Variants in TENT5D observed in about 807,000 individuals in gnomAD.
TENT5D encodes the protein terminal nucleotidyltransferase 5D.
For synonymous variants in TENT5D, 103 were observed against 100.6 expected, an observed-to-expected ratio of 1.02 and a Z score of -0.15; for missense variants, 191 against 287.0, an observed-to-expected ratio of 0.67 and a Z score of 2.42.
intron 3 of TENT5D, among the ~76,000 whole-genome samples, chrX:80,345,868 C>T (rs1930048726): frequency 9.0e-6 from 1 of 111,550 alleles, no homozygotes. Flanking sequence ...CTCTAATTCT[C>T]TTGTCACTCT....
chrX:80,417,445 T>G (rs759115563), upstream of TENT5D, among the ~76,000 whole-genome samples: 41 of 110,119 alleles, frequency 3.7e-4, no homozygotes, highest in African/African-American at 1.1e-3. Flanking sequence ...TAATAGTTTT[T>G]TTTTTTTTTT....
intron 3 of TENT5D, among the ~76,000 whole-genome samples, chrX:80,364,873 G>GTGATA (rs2147523317): frequency 9.9e-6 from 1 of 100,831 alleles, no homozygotes; most frequent in South Asian, 4.6e-4. Context: ...TAAATATATA[G>GTGATA]TGATATTTTA....
At chrX:80,352,693 G>A (rs1930204237) in intron 3 of TENT5D, among the ~76,000 whole-genome samples, 1 of 97,105 alleles carries the variant, frequency 1.0e-5, no homozygotes, top group Non-Finnish European at 2.0e-5. Context: ...GGGGTTCCAG[G>A]TGCCGCTGGA....
At position 80,426,743 on chromosome X, in the gene TENT5D, A is replaced by G. The variant is rs142266008; in HGVS notation, c.-142+6180A>G. Among the ~76,000 whole-genome samples, 926 of 112,106 alleles carry G rather than the reference A, an allele frequency of 8.3e-3. 5 individuals are homozygous for G. Among genetic ancestry groups the G allele is most frequent in the Non-Finnish European group, 0.014 (735 of 53,260 alleles). On this transcript the variant is annotated intron_variant, in intron 1 of 2. Transcript: ENST00000308293. ...TTTCCATGCCTTCTTACAATTTTTT[A>G]GTAAAAACACATTTTACTGTTTTCA...
At chrX:80,399,933 G>T (rs1026643633) in intron 3 of TENT5D, among the ~76,000 whole-genome samples, 1 of 111,847 alleles carries the variant, frequency 8.9e-6, no homozygotes, top group Non-Finnish European at 1.9e-5. Flanking sequence ...TCTCCAGAGA[G>T]ACAGAAGCAA....
chrX:80,389,346 A>G (rs2147536917), intron 3 of TENT5D, among the ~76,000 whole-genome samples: 1 of 112,283 alleles, frequency 8.9e-6, no homozygotes, highest in African/African-American at 3.2e-5. Flanking sequence ...CATTAATTTG[A>G]GAAGCAAATT....
chrX:80,344,867 C>G (rs978776116), intron 3 of TENT5D, among the ~76,000 whole-genome samples: 1 of 111,380 alleles, frequency 9.0e-6, no homozygotes, highest in African/African-American at 3.3e-5. Context: ...AATTTAGATA[C>G]TTTGAAGCCT....
At chrX:80,410,188 G>C (rs1401985890) in intron 3 of TENT5D, among the ~76,000 whole-genome samples, 1 of 110,016 alleles carries the variant, frequency 9.1e-6, no homozygotes, top group Non-Finnish European at 1.9e-5. Flanking sequence ...CATGGGCAAG[G>C]ACTTCATGTC....
intron 3 of TENT5D, among the ~76,000 whole-genome samples, chrX:80,391,755 G>A (rs185645096): frequency 2.2e-4 from 25 of 112,452 alleles, no homozygotes; most frequent in Non-Finnish European, 4.3e-4. Flanking sequence ...GTGAAGATGC[G>A]GACTAAAAAT....
chrX:80,433,608 T>C (rs1293378789), intron 1 of TENT5D, among the ~76,000 whole-genome samples: 4 of 111,714 alleles, frequency 3.6e-5, no homozygotes, highest in Non-Finnish European at 7.5e-5. Context: ...AGCTTTTAAA[T>C]TGAGAACTTT....
chrX:80,420,410 A>G (rs186868110), upstream of TENT5D: 1 of 111,075 alleles, frequency 9.0e-6, no homozygotes, highest in African/African-American at 3.3e-5. Flanking sequence ...TGCAATAATA[A>G]TATTCCTTGT....
intron 2 of TENT5D, chrX:80,335,732 C>A (rs1283530149): frequency 9.0e-6 from 1 of 111,297 alleles, no homozygotes; most frequent in Non-Finnish European, 1.9e-5. Context: ...GGGCTTTTAA[C>A]GTATTTTTCA....
At chrX:80,367,064 C>CTT (rs1174486694) in intron 3 of TENT5D, among the ~76,000 whole-genome samples, 7 of 111,439 alleles carry the variant, frequency 6.3e-5, no homozygotes, top group Non-Finnish European at 1.1e-4. Flanking sequence ...ATTTGATTCT[C>CTT]TATCAGTCTA....
chrX:80,353,940 GTTATTA>G (rs1265298858), intron 3 of TENT5D, among the ~76,000 whole-genome samples: 1 of 111,299 alleles, frequency 9.0e-6, no homozygotes, highest in East Asian at 2.8e-4. Context: ...GGCAGAATGT[GTTATTA>G]TTATTATTTT....
chrX:80,404,872 G>T (rs1000074159), intron 3 of TENT5D, among the ~76,000 whole-genome samples: 4 of 111,720 alleles, frequency 3.6e-5, no homozygotes, highest in Non-Finnish European at 5.6e-5. Flanking sequence ...TATAATCTCG[G>T]TTTTTTTCTA....
upstream of TENT5D, among the ~76,000 whole-genome samples, chrX:80,418,125 A>G (rs1931811880): frequency 9.0e-6 from 1 of 110,894 alleles, no homozygotes; most frequent in South Asian, 3.8e-4. Context: ...AGTAACATAA[A>G]AATCATTCTT....
chrX:80,347,005 A>G (rs765323552), intron 3 of TENT5D, among the ~76,000 whole-genome samples: 11 of 111,276 alleles, frequency 9.9e-5, no homozygotes, highest in Non-Finnish European at 1.1e-4. Flanking sequence ...AAGGACATGA[A>G]CTCATTCTTT....
intron 3 of TENT5D, among the ~76,000 whole-genome samples, chrX:80,368,096 G>C (rs1036147467): frequency 1.3e-4 from 15 of 111,288 alleles, no homozygotes; most frequent in African/African-American, 4.9e-4. Flanking sequence ...AATATTTCAT[G>C]TATTCTATAA....
At chrX:80,444,113 T>G (rs1425792049) in exon 3 of TENT5D, 2 of 135,747 alleles carry the variant, frequency 1.5e-5, no homozygotes, top group Non-Finnish European at 1.7e-5. Flanking sequence ...AGTATCAAAT[T>G]TTTTATATTC....
Sources: allele counts gnomAD v4.1 joint callset (sites outside exome capture counted in the v4.1 genomes callset), GRCh38; gene constraint gnomAD v4.1.1; transcripts MANE v1.5; gene names NCBI Gene and HGNC (gene_info 2026-07-23, HGNC 2026-07-21).